The following ALDH7A1 variants were observed in gnomAD, a reference collection of about 807,000 sequenced individuals.
The protein encoded by ALDH7A1 is alpha-aminoadipic semialdehyde dehydrogenase.
Under a neutral mutation model 79.9 loss-of-function variants are expected in ALDH7A1, and 63 were observed. That is an observed-to-expected ratio of 0.79 (90% CI 0.64 to 0.97). The LOEUF (loss-of-function observed/expected upper bound fraction) is 0.97, where lower values mean the gene tolerates loss of function less well. Among genes scored for constraint, ALDH7A1 ranks in the 50% least tolerant of loss-of-function variants. The pLI, the probability that ALDH7A1 is intolerant of heterozygous loss-of-function variation, is 0.00. For synonymous variants in ALDH7A1, 240 were observed against 231.2 expected, an observed-to-expected ratio of 1.04 and a Z score of -0.34; for missense variants, 627 against 665.2, an observed-to-expected ratio of 0.94 and a Z score of 0.63.
intron 9 of ALDH7A1, chr5:126,567,835 G>C (rs1750639208): frequency 5.9e-6 from 1 of 168,110 alleles, no homozygotes; most frequent in African/African-American, 2.6e-5. Flanking sequence ...CCAGGCTGGA[G>C]TGCAATGGCG....
chr5:126,594,139 G>A (rs1364516744), intron 1 of ALDH7A1: 1 of 463,702 alleles, frequency 2.2e-6, no homozygotes, highest in African/African-American at 2.0e-5. Flanking sequence ...ACATTGTTTT[G>A]AGCAGTAATG....
At chr5:126,576,262 C>CAAAAAAAAAAAA (rs35284915) in intron 6 of ALDH7A1, among the ~76,000 whole-genome samples, 1 of 89,246 alleles carries the variant, frequency 1.1e-5, no homozygotes, top group African/African-American at 4.7e-5. Flanking sequence ...GACTCTGTCA[C>CAAAAAAAAAAAA]AAAAAAAAAA....
At chr5:126,584,239 A>G in intron 3 of ALDH7A1, 1 of 522,282 alleles carries the variant, frequency 1.9e-6, no homozygotes, top group Non-Finnish European at 3.4e-6. Context: ...GGCAACAAAT[A>G]ATTACAAATT....
chr5:126,590,605 C>G lies in ALDH7A1; in HGVS notation c.312+2059G>C, dbSNP rs147962882. On this transcript the variant is annotated intron_variant, in intron 3 of 17. Coordinates refer to ENST00000409134, the MANE Select transcript of ALDH7A1 (RefSeq NM_001182.5). Reference sequence around the variant, plus strand: ...CAACAATTTAAAAAAAATTATGCAGCTGGGCCTGGTGGTTCACGCCTGTAA... The same window carrying G: ...CAACAATTTAAAAAAAATTATGCAGGTGGGCCTGGTGGTTCACGCCTGTAA... Among the ~76,000 whole-genome samples, 1,275 of 152,240 alleles carry G rather than the reference C, an allele frequency of 8.4e-3. 11 individuals carry two copies. The highest frequency in any genetic ancestry group is 0.024 in the Middle Eastern group (7 of 294).
intron 17 of ALDH7A1, among the ~76,000 whole-genome samples, chr5:126,545,700 C>T (rs564730486): frequency 1.6e-4 from 24 of 150,760 alleles, no homozygotes; most frequent in African/African-American, 3.6e-4. Flanking sequence ...GCAGGAGAAT[C>T]GCTGGAATCT....
At chr5:126,585,528 C>T (rs1751330889) in intron 3 of ALDH7A1, among the ~76,000 whole-genome samples, 1 of 152,142 alleles carries the variant, frequency 6.6e-6, no homozygotes, top group Admixed American at 6.6e-5. Context: ...ACTTTGCAAT[C>T]TATTAACATT....
At chr5:126,556,396 C>T (rs1390151610) in intron 11 of ALDH7A1, among the ~76,000 whole-genome samples, 1 of 151,962 alleles carries the variant, frequency 6.6e-6, no homozygotes. Context: ...GCACCCACCA[C>T]CACACCTGGC....
At position 126,550,356 on chromosome 5, in the gene ALDH7A1, T is replaced by C; in HGVS notation, c.1318-63A>G. 3.2e-6 allele frequency: 4 copies of C among 1,231,350 alleles called. No individual in the cohort carries two copies. The South Asian group carries it at 4.8e-5, about 15-fold the overall frequency. 76.3% of individuals were successfully genotyped at this position (1,231,350 alleles called of 1,614,324 possible). On this transcript the variant is annotated intron_variant, in intron 14 of 17. Coordinates refer to ENST00000409134, the MANE Select transcript of ALDH7A1 (RefSeq NM_001182.5). ...GTGTTCAAGTCAAAGTTCACTGACA[T>C]TAAACTCATTTCCTGAAGTGTACCA... is the stretch of plus-strand genomic sequence containing the variant.
intron 12 of ALDH7A1, 50 bp from the exon 13 acceptor site, chr5:126,554,443 C>A: frequency 6.9e-7 from 1 of 1,450,674 alleles, no homozygotes; most frequent in Non-Finnish European, 9.7e-7. Flanking sequence ...TTTATGGCAT[C>A]GTTTTATTAT....
chr5:126,594,928 G>T, intron 1 of ALDH7A1, 79 bp downstream of exon 1: 1 of 1,531,378 alleles, frequency 6.5e-7, no homozygotes, highest in Non-Finnish European at 8.8e-7. Context: ...GCGCCAGCGG[G>T]GAGTCGGTAG....
In ALDH7A1 at chr5:126,582,833, A is replaced by T. The variant is rs1295121262; in HGVS notation, c.517+18T>A. On this transcript the variant is annotated intron_variant, in intron 5 of 17. Transcript: ENST00000409134. ...ATATCAGAGTACAAAACTCAGCTTA[A>T]CTAATTTCATTGCTTACTTTCAGAA... 6.2e-7 allele frequency: 1 copy of T among 1,611,870 alleles called. No homozygotes were observed.
At chr5:126,560,428 A>G (rs1188673377) in intron 10 of ALDH7A1, among the ~76,000 whole-genome samples, 2 of 152,098 alleles carry the variant, frequency 1.3e-5, no homozygotes, top group African/African-American at 4.8e-5. Context: ...CTGAGATCGC[A>G]CCACTGCACT....
At chr5:126,582,034 T>C in intron 5 of ALDH7A1, 1 of 397,672 alleles carries the variant, frequency 2.5e-6, no homozygotes, top group Non-Finnish European at 4.4e-6. Flanking sequence ...TCTAAAAAGA[T>C]ACACAAGGGC....
In ALDH7A1 at chr5:126,577,093, T is replaced by C. The variant is rs1750999639; in HGVS notation, c.636A>G (p.Gly212=). Residue 212 remains glycine, a synonymous_variant, in exon 6 of 18, where the codon GGA becomes GGG. Transcript: ENST00000409134. ...GWNNAIAMIC[G]NVCLWKGAPT... ...GCAGGTCTTACCAGAGGCAGACATT[T>C]CCACAGATCATGGCGATGGCGTTGT... 1 of 1,614,128 alleles carries C rather than the reference T, an allele frequency of 6.2e-7. No individual in the cohort carries two copies. The highest frequency in any genetic ancestry group is 1.1e-5 in the South Asian group (1 of 91,072).
intron 14 of ALDH7A1, among the ~76,000 whole-genome samples, chr5:126,551,010 ATT>A (rs768235665): frequency 4.1e-4 from 62 of 152,060 alleles, no homozygotes; most frequent in Non-Finnish European, 7.4e-4. Flanking sequence ...GGTTTTATTT[ATT>A]TGTTTGTTTT....
chr5:126,570,901 A>C, intron 7 of ALDH7A1, 42 bp from the exon 8 acceptor site: 1 of 1,591,682 alleles, frequency 6.3e-7, no homozygotes, highest in African/African-American at 1.3e-5. Flanking sequence ...AATTTAAGGC[A>C]TTTTTTTAAA....
intron 4 of ALDH7A1, 67 bp downstream of exon 4, chr5:126,583,865 T>C: frequency 7.6e-7 from 1 of 1,318,258 alleles, no homozygotes; most frequent in Non-Finnish European, 1.1e-6. Context: ...CAATTTTATA[T>C]ATAGAAAAGC....
At chr5:126,575,196 G>A (rs937887060) in intron 7 of ALDH7A1, among the ~76,000 whole-genome samples, 3 of 152,160 alleles carry the variant, frequency 2.0e-5, no homozygotes, top group African/African-American at 7.2e-5. Context: ...GTCTGCAAGA[G>A]TTCAATCAAT....
intron 1 of ALDH7A1, 64 bp downstream of exon 1, chr5:126,594,943 G>C (rs1189565059): frequency 1.3e-6 from 2 of 1,547,944 alleles, no homozygotes; most frequent in African/African-American, 2.7e-5. Context: ...CGGTAGGTCA[G>C]TGCCCGCCCG....
Sources: allele counts gnomAD v4.1 joint callset (sites outside exome capture counted in the v4.1 genomes callset), GRCh38; gene constraint gnomAD v4.1.1; transcripts MANE v1.5; gene names NCBI Gene and HGNC (gene_info 2026-07-23, HGNC 2026-07-21).